Variants in EEIG2 observed in about 807,000 individuals in gnomAD.
The protein encoded by EEIG2 is EEIG family member 2, also known as family with sequence similarity 102 member B.
chr1:108,566,635 CTG>C, the EEIG2 span, among the ~76,000 whole-genome samples: 1 of 151,730 alleles, frequency 6.6e-6, no homozygotes, highest in Non-Finnish European at 1.5e-5. Context: ...ACCTAAGTGT[CTG>C]TAAACAGATG....
chr1:108,601,523 A>ACT, the EEIG2 span, among the ~76,000 whole-genome samples: 1 of 151,386 alleles, frequency 6.6e-6, no homozygotes, highest in Admixed American at 6.6e-5. Context: ...AGAAGCCATA[A>ACT]AAGAAAAATT....
At chr1:108,628,811 A>G in the EEIG2 span, 1 of 1,608,860 alleles carries the variant, frequency 6.2e-7, no homozygotes, top group East Asian at 2.2e-5. Context: ...GAAGGTGTGT[A>G]GGTAACTGTT....
chr1:108,581,617 A>T, the EEIG2 span, among the ~76,000 whole-genome samples: 2 of 152,190 alleles, frequency 1.3e-5, no homozygotes, highest in Non-Finnish European at 2.9e-5. Context: ...CTGGCTGCAG[A>T]TGCGGTGAAA....
the EEIG2 span, among the ~76,000 whole-genome samples, chr1:108,580,831 A>G: frequency 1.3e-5 from 2 of 152,206 alleles, no homozygotes; most frequent in Non-Finnish European, 2.9e-5. Context: ...TGCAAGGTGA[A>G]GCGGCAAGTG....
chr1:108,598,516 AT>A, the EEIG2 span, among the ~76,000 whole-genome samples: 6 of 152,172 alleles, frequency 3.9e-5, no homozygotes, highest in Middle Eastern at 3.4e-3. Flanking sequence ...AATAACACTT[AT>A]CTCGCCTGCA....
chr1:108,591,434 T>A, the EEIG2 span, among the ~76,000 whole-genome samples: 1 of 152,244 alleles, frequency 6.6e-6, no homozygotes, highest in Non-Finnish European at 1.5e-5. Flanking sequence ...CGATAAAGAT[T>A]ACTTAACATA....
chr1:108,579,800 A>AGAGAGAGAGAGAG, the EEIG2 span, among the ~76,000 whole-genome samples: 23 of 149,292 alleles, frequency 1.5e-4, no homozygotes, highest in South Asian at 2.2e-4. Context: ...AGAGAGAAAG[A>AGAGAGAGAGAGAG]AACCCACTCT....
chr1:108,596,206 G>A, the EEIG2 span, among the ~76,000 whole-genome samples: 5 of 151,374 alleles, frequency 3.3e-5, no homozygotes, highest in South Asian at 2.1e-4. Context: ...AGGAAAAAAA[G>A]GCATCTAAAG....
chr1:108,625,774 C>G, the EEIG2 span: 204 of 23,238 alleles, frequency 8.8e-3, 1 homozygote, highest in African/African-American at 0.011. Flanking sequence ...CTCTCTCTCT[C>G]TGTGTGTGTG....
the EEIG2 span, among the ~76,000 whole-genome samples, chr1:108,583,634 G>A: frequency 6.6e-6 from 1 of 152,002 alleles, no homozygotes; most frequent in African/African-American, 2.4e-5. Context: ...ATTCTGTGCT[G>A]TTAAACATTT....
the EEIG2 span, among the ~76,000 whole-genome samples, chr1:108,631,658 T>C: frequency 1.3e-5 from 2 of 152,202 alleles, no homozygotes; most frequent in Non-Finnish European, 2.9e-5. Context: ...TATATCATAA[T>C]AAACATATAG....
the EEIG2 span, chr1:108,612,079 G>GA: frequency 4.0e-6 from 3 of 756,870 alleles, no homozygotes; most frequent in Non-Finnish European, 6.2e-6. Flanking sequence ...TGAAGTTGGA[G>GA]AAAACCTGTC....
At chr1:108,638,423 T>A in the EEIG2 span, 4 of 152,248 alleles carry the variant, frequency 2.6e-5, no homozygotes, top group Admixed American at 6.5e-5. Context: ...CTTTCAGATT[T>A]CTATGCTGAC....
chr1:108,562,930 T>C, the EEIG2 span, among the ~76,000 whole-genome samples: 1 of 152,190 alleles, frequency 6.6e-6, no homozygotes, highest in Non-Finnish European at 1.5e-5. Flanking sequence ...TGGGTGCCAG[T>C]CAAGGCAGTG....
the EEIG2 span, among the ~76,000 whole-genome samples, chr1:108,589,546 T>G: frequency 6.6e-6 from 1 of 152,186 alleles, no homozygotes; most frequent in East Asian, 1.9e-4. Flanking sequence ...ATTCAACAAT[T>G]CTTTCTTTAA....
chr1:108,560,354 C>A, the EEIG2 span: 1 of 1,361,454 alleles, frequency 7.3e-7, no homozygotes, highest in South Asian at 1.4e-5. Context: ...TGGGGCTGGG[C>A]TGATCCGGGG....
At chr1:108,635,095 A>G in the EEIG2 span, 1 of 1,614,004 alleles carries the variant, frequency 6.2e-7, no homozygotes, top group Non-Finnish European at 8.5e-7. Context: ...GTTTTTTTCC[A>G]CTGCTGTTTT....
chr1:108,560,479 G>A, the EEIG2 span: 2 of 1,613,584 alleles, frequency 1.2e-6, no homozygotes, highest in Non-Finnish European at 1.7e-6. Flanking sequence ...AGCTCGAGGA[G>A]CTCTCCTCAG....
the EEIG2 span, among the ~76,000 whole-genome samples, chr1:108,563,979 A>T: frequency 6.6e-6 from 1 of 152,196 alleles, no homozygotes; most frequent in Non-Finnish European, 1.5e-5. Context: ...TGACAAAGTG[A>T]GGATGGGAGG....
Sources: allele counts gnomAD v4.1 joint callset (sites outside exome capture counted in the v4.1 genomes callset), GRCh38; gene constraint gnomAD v4.1.1; transcripts MANE v1.5; gene names NCBI Gene and HGNC (gene_info 2026-07-23, HGNC 2026-07-21).